Variants in GAR1 observed in about 807,000 individuals in gnomAD.
GAR1 encodes the protein GAR1 ribonucleoprotein.
A neutral mutation model predicts 29.3 loss-of-function variants in GAR1; 11 were observed. That is an observed-to-expected ratio of 0.38 (90% CI 0.24 to 0.62). GAR1 has a LOEUF of 0.62. Ranked by LOEUF, GAR1 falls within the 20% of genes least tolerant of loss-of-function variation. The pLI is 0.62. For missense variants in GAR1, 237 were observed against 268.4 expected (o/e 0.88, Z 0.82); for synonymous variants, 87 against 93.3 (o/e 0.93, Z 0.39).
chr4:109,824,146 A>G (rs1733591500), intron 6 of GAR1, 113 bp downstream of exon 6: 3 of 745,776 alleles, frequency 4.0e-6, no homozygotes, highest in East Asian at 5.1e-5. Flanking sequence ...ATAGAACACC[A>G]TGGTGTTCTT....
At chr4:109,821,532 G>A (rs971782715) in intron 4 of GAR1, among the ~76,000 whole-genome samples, 2 of 152,018 alleles carry the variant, frequency 1.3e-5, no homozygotes, top group African/African-American at 4.8e-5. Context: ...TTATAGGATG[G>A]GTATAGTTTC....
At chr4:109,822,670 G>A in intron 5 of GAR1, 182 bp downstream of exon 5, 3 of 552,560 alleles carry the variant, frequency 5.4e-6, no homozygotes, top group Admixed American at 7.5e-5. Context: ...TACTTAAAAA[G>A]AAGAAAATCT....
In GAR1 at chr4:109,823,951, TA is replaced by T; in HGVS notation, c.572-11del. The stretch of plus-strand genomic sequence containing the variant: ...TTAAATACTTTGCGTTATTATTTAA[TA>T]AATGTTTTTTAGGTGGTTTTAGAGG... On this transcript the variant is annotated splice_polypyrimidine_tract_variant and intron_variant, in intron 5 of 6. Coordinates refer to ENST00000226796, the MANE Select transcript of GAR1 (RefSeq NM_018983.4). The T allele has an allele frequency of 5.8e-6, 9 of 1,552,518 alleles. No homozygotes were observed. In the South Asian group the frequency reaches 1.0e-4, roughly 17 times the overall value.
intron 5 of GAR1, 133 bp downstream of exon 5, chr4:109,822,621 G>A (rs748042546): frequency 1.2e-4 from 105 of 851,646 alleles, no homozygotes; most frequent in Non-Finnish European, 1.6e-4. Context: ...TCCAATATTG[G>A]CAGATTGTCC....
chr4:109,820,964 C>T (rs1733497560), intron 4 of GAR1, among the ~76,000 whole-genome samples: 1 of 138,688 alleles, frequency 7.2e-6, no homozygotes, highest in African/African-American at 2.5e-5. Context: ...TCCCTTAAAT[C>T]ACTTAAATTT....
At chr4:109,818,483 TTCTC>T (rs1421308573) in intron 3 of GAR1, among the ~76,000 whole-genome samples, 5 of 149,150 alleles carry the variant, frequency 3.4e-5, no homozygotes, top group East Asian at 1.9e-4. Context: ...TTCTCTCTCT[TTCTC>T]TCTCTCTTTC....
chr4:109,821,803 T>C (rs760141387), intron 4 of GAR1, among the ~76,000 whole-genome samples: 4 of 152,198 alleles, frequency 2.6e-5, no homozygotes, highest in Admixed American at 6.5e-5. Context: ...CTTATATACA[T>C]CACTTTTTTG....
rs1396855899 is a variant in GAR1 at position 109,822,136 on chromosome 4, T to A, written c.430-211T>A. On this transcript the variant is annotated intron_variant, in intron 4 of 6. Transcript: ENST00000226796. The stretch of plus-strand genomic sequence containing the variant: ...GTAACAAACCTGCACGTTCTGCACA[T>A]GTATCCCAGAACTTAAGGTAAAAAA... 3.1e-5 allele frequency among the ~76,000 whole-genome samples: 4 copies of A among 127,380 alleles called. No homozygotes were observed. In the East Asian group the frequency reaches 8.9e-4, roughly 28 times the overall value. 83.6% of individuals were successfully genotyped at this position (127,380 alleles called of 152,430 possible).
intron 4 of GAR1, among the ~76,000 whole-genome samples, chr4:109,821,167 A>G (rs954785648): frequency 1.3e-5 from 2 of 152,156 alleles, no homozygotes; most frequent in Admixed American, 6.5e-5. Flanking sequence ...AACTTTTTGT[A>G]GTGATGGGAA....
rs1733603202 is a variant in GAR1, at chr4:109,824,606, C to T, written c.*175C>T. 1.7e-6 allele frequency: 1 copy of T among 588,606 alleles called. No homozygotes were observed. Among genetic ancestry groups the T allele is most frequent in the East Asian group, 2.9e-5 (1 of 34,706 alleles). The allele number at this position is 588,606 out of a possible 1,614,324, so 36.5% of individuals were successfully genotyped here. ...GTGCAACGGAATAGTGAATTTTGCT[C>T]TAAAAGAGCATGAACAAGTCTTTCT... On this transcript the variant is annotated 3_prime_UTR_variant, in exon 7 of 7. Transcript: ENST00000226796.
chr4:109,818,567 CTTTTTTT>C (rs34081446), intron 3 of GAR1, among the ~76,000 whole-genome samples: 11 of 123,778 alleles, frequency 8.9e-5, no homozygotes, highest in South Asian at 2.6e-4. Flanking sequence ...TTCTTTTTTC[CTTTTTTT>C]TTTTTTTTTT....
chr4:109,822,005 G>T (rs1258076457), intron 4 of GAR1, among the ~76,000 whole-genome samples: 1 of 151,864 alleles, frequency 6.6e-6, no homozygotes, highest in Non-Finnish European at 1.5e-5. Flanking sequence ...GGGATGGGGG[G>T]AAGGGGAGGG....
intron 6 of GAR1, 68 bp downstream of exon 6, chr4:109,824,101 T>C: frequency 9.6e-7 from 1 of 1,046,532 alleles, no homozygotes; most frequent in Non-Finnish European, 1.5e-6. Context: ...ATTTTCTGTT[T>C]TTACTTAAGT....
chr4:109,822,467 G>A lies in GAR1; in HGVS notation c.550G>A (p.Gly184Ser). 1.2e-6 allele frequency: 2 copies of A among 1,602,234 alleles called. No homozygotes were observed. The highest frequency in any genetic ancestry group is 1.1e-5 in the South Asian group (1 of 89,852). ...CCGAGGAGGAGGAAGAGGAGGAGGT[G>A]GCAGAGGTGGTGGCAGAGGCGGTAA... The part of the protein sequence containing the change: ...GGRGGGRGGG[G>S]RGGGRGGGFR... The change falls in exon 5 of 7, where the codon GGC (glycine) becomes AGC (serine). Residue 184 changes from glycine to serine, a missense_variant. By Grantham distance (56) the Gly-to-Ser change is moderately conservative (BLOSUM62 0). Coordinates refer to ENST00000226796, the MANE Select transcript of GAR1 (RefSeq NM_018983.4).
Position 109,823,967 on chromosome 4 carries a change from G to A in GAR1, c.574G>A (p.Gly192Ser), listed in dbSNP as rs1274748854. 1.3e-6 allele frequency: 2 copies of A among 1,593,234 alleles called. No homozygotes were observed. The highest frequency in any genetic ancestry group is 1.7e-6 in the Non-Finnish European group (2 of 1,162,846). The change falls in exon 6 of 7, where the codon GGT becomes AGT. Residue 192 changes from glycine to serine, a missense_variant and splice_region_variant. By Grantham distance (56) the Gly-to-Ser change is moderately conservative (BLOSUM62 0). Coordinates refer to ENST00000226796, the MANE Select transcript of GAR1 (RefSeq NM_018983.4). ...GGGRGGGRGG[G>S]FRGGRGGGGG... ...ATTATTTAATAAATGTTTTTTAGGTGGTTTTAGAGGTGGAAGAGGAGGTGG... is the reference window on the plus strand; with the variant it reads ...ATTATTTAATAAATGTTTTTTAGGTAGTTTTAGAGGTGGAAGAGGAGGTGG...
At position 109,818,023 on chromosome 4, in the gene GAR1, C is replaced by G. The variant is rs776004786; in HGVS notation, c.302C>G (p.Pro101Arg). The G allele has an allele frequency of 6.2e-7, 1 of 1,605,418 alleles. No individual in the cohort carries two copies. Among genetic ancestry groups the G allele is most frequent in the South Asian group, 1.1e-5 (1 of 89,802 alleles). The change falls in exon 3 of 7, where the codon CCT (proline) becomes CGT (arginine). Residue 101 changes from proline (P) to arginine (R), a missense_variant. Physicochemically the swap from Pro to Arg is moderately radical, Grantham distance 103. Transcript: ENST00000226796. ...DENKVPYFNA[P>R]VYLENKEQIG... is the part of the protein sequence containing the mutation. ...AATAAGGTGCCTTATTTCAATGCTC[C>G]TGTTTACTTAGAAAACAAAGAACAA...
intron 4 of GAR1, among the ~76,000 whole-genome samples, chr4:109,821,960 C>T (rs750104835): frequency 6.6e-6 from 1 of 151,236 alleles, no homozygotes; most frequent in Non-Finnish European, 1.5e-5. Flanking sequence ...CACATGGACA[C>T]AGGGAGGGAA....
In GAR1 at chr4:109,818,051, T is replaced by G. The variant is rs373550481; in HGVS notation, c.330T>G (p.Ile110Met). 15 of 1,605,882 alleles carry G rather than the reference T, an allele frequency of 9.3e-6. No homozygotes were observed. The highest frequency in any genetic ancestry group is 1.2e-5 in the Non-Finnish European group (14 of 1,176,644). The change falls in exon 3 of 7, where the codon ATT becomes ATG. Residue 110 changes from isoleucine to methionine, a missense_variant. Ile to Met is a conservative substitution (Grantham distance 10). Transcript: ENST00000226796. ...APVYLENKEQ[I>M]GKVDEIFGQL... Reference sequence around the variant, plus strand: ...TTTACTTAGAAAACAAAGAACAAATTGGAAAAGTGGATGAAATATTTGGAC... The same window carrying G: ...TTTACTTAGAAAACAAAGAACAAATGGGAAAAGTGGATGAAATATTTGGAC...
In GAR1 at chr4:109,824,453, A is replaced by G; in HGVS notation, c.*22A>G. On this transcript the variant is annotated 3_prime_UTR_variant, in exon 7 of 7. Transcript: ENST00000226796. ...TTAAGTGAAACAGTTGACAGACATC[A>G]CCAGTTGACTTCTGCATTAACCTGC... The G allele has an allele frequency of 6.4e-7, 1 of 1,565,650 alleles. No homozygotes were observed. The highest frequency in any genetic ancestry group is 1.3e-5 in the African/African-American group (1 of 74,150).
Sources: allele counts gnomAD v4.1 joint callset (sites outside exome capture counted in the v4.1 genomes callset), GRCh38; gene constraint gnomAD v4.1.1; transcripts MANE v1.5; gene names NCBI Gene and HGNC (gene_info 2026-07-23, HGNC 2026-07-21).